The following PDE4B variants were observed in gnomAD, a reference collection of about 807,000 sequenced individuals.
PDE4B encodes the protein 3',5'-cyclic-AMP phosphodiesterase 4B.
A neutral mutation model predicts 82.2 loss-of-function variants in PDE4B; 20 were observed. The observed-to-expected ratio is 0.24, with a 90% confidence interval of 0.17 to 0.35. The LOEUF (loss-of-function observed/expected upper bound fraction) is 0.35, where lower values mean the gene tolerates loss of function less well. PDE4B is among the 10% of genes least tolerant of loss of function. The pLI is 1.00. For synonymous variants in PDE4B, 320 were observed against 318.9 expected (o/e 1.00, Z -0.04); for missense variants, 655 against 907.2 (o/e 0.72, Z 3.57).
chr1:66,183,674 C>T (rs567579164), intron 3 of PDE4B, among the ~76,000 whole-genome samples: 20 of 152,294 alleles, frequency 1.3e-4, no homozygotes, highest in African/African-American at 4.6e-4. Flanking sequence ...ATATTTATCA[C>T]CATGTTTTCC....
intron 7 of PDE4B, among the ~76,000 whole-genome samples, chr1:66,275,180 T>TATATATATGCAAA: frequency 6.6e-6 from 1 of 152,318 alleles, no homozygotes; most frequent in South Asian, 2.1e-4. Context: ...CTTAGTTAAC[T>TATATATATGCAAA]GAAAGCCCTG....
chr1:66,266,965 TC>T, intron 7 of PDE4B: 1 of 210,762 alleles, frequency 4.7e-6, no homozygotes, highest in Non-Finnish European at 1.0e-5. Context: ...CAGCAGCGCT[TC>T]ATACTTAAAA....
chr1:65,853,241 T>G (rs1049787628), intron 1 of PDE4B, among the ~76,000 whole-genome samples: 7 of 152,148 alleles, frequency 4.6e-5, no homozygotes, highest in Non-Finnish European at 1.5e-5. Context: ...TTTTGTCATT[T>G]CCTTATAATG....
chr1:66,039,171 T>C lies in PDE4B; in HGVS notation c.281+120336T>C, dbSNP rs17128289. Among the ~76,000 whole-genome samples the C allele has an allele frequency of 1.7e-4, 26 of 152,168 alleles. No homozygotes were observed. In the East Asian group the frequency reaches 4.5e-3, roughly 26 times the overall value. On this transcript the variant is annotated intron_variant, in intron 3 of 16. Coordinates refer to ENST00000341517, the MANE Select transcript of PDE4B (RefSeq NM_002600.4). The stretch of plus-strand genomic sequence containing the variant: ...TACACAAGGCAGAATTTGGAAAATA[T>C]TGGACACACAATAGATAACAATTAG...
chr1:65,832,949 G>A (rs1646099523), intron 1 of PDE4B, among the ~76,000 whole-genome samples: 1 of 152,164 alleles, frequency 6.6e-6, no homozygotes, highest in South Asian at 2.1e-4. Context: ...TGAGCTCAGG[G>A]AATATAGCCC....
chr1:65,862,093 G>A (rs1646460995), intron 1 of PDE4B, among the ~76,000 whole-genome samples: 1 of 152,114 alleles, frequency 6.6e-6, no homozygotes, highest in South Asian at 2.1e-4. Context: ...ATATTGAATT[G>A]TAGTGGTGAG....
intron 3 of PDE4B, among the ~76,000 whole-genome samples, chr1:66,083,291 A>G (rs1015788182): frequency 1.3e-5 from 2 of 152,070 alleles, no homozygotes; most frequent in East Asian, 1.9e-4. Flanking sequence ...ACCACCCACC[A>G]TCAGTCCCCA....
rs572481209 is a variant in PDE4B, at chr1:65,864,211, G to A, written c.-70-49034G>A. ...TTGTGCTGTGTTTTTCAGCTCCACC[G>A]AGTCATTTATGTTCTTCTCTAAACT... On this transcript the variant is annotated intron_variant, in intron 1 of 16. Coordinates refer to ENST00000341517, the MANE Select transcript of PDE4B (RefSeq NM_002600.4). Among the ~76,000 whole-genome samples the A allele has an allele frequency of 5.3e-5, 8 of 151,722 alleles. No individual in the cohort carries two copies. The South Asian group carries it at 6.3e-4, about 12-fold the overall frequency.
At position 66,284,762 on chromosome 1, in the gene PDE4B, G is replaced by T. The variant is rs569584364; in HGVS notation, c.634+18675G>T. Among the ~76,000 whole-genome samples, 4 of 152,304 alleles carry T rather than the reference G, an allele frequency of 2.6e-5. No individual in the cohort carries two copies. The South Asian group carries it at 8.3e-4, about 32-fold the overall frequency. On this transcript the variant is annotated intron_variant, in intron 7 of 16. Coordinates refer to ENST00000341517, the MANE Select transcript of PDE4B (RefSeq NM_002600.4). ...AGGGGATTAGTGAAGAAAGGATAGG[G>T]TGTAGGGATATGCAGGACATTAGAC...
intron 3 of PDE4B, among the ~76,000 whole-genome samples, chr1:65,943,774 G>C (rs1247503721): frequency 6.6e-6 from 1 of 151,772 alleles, no homozygotes; most frequent in Admixed American, 6.6e-5. Flanking sequence ...TTGTTTTCTT[G>C]ATTTCTTTTG....
intron 3 of PDE4B, among the ~76,000 whole-genome samples, chr1:66,087,243 C>G (rs1657049310): frequency 1.3e-5 from 2 of 152,070 alleles, no homozygotes; most frequent in African/African-American, 4.8e-5. Flanking sequence ...ATTACTCTGG[C>G]AGAAGTATGC....
At chr1:65,844,410 C>T (rs1411382603) in intron 1 of PDE4B, among the ~76,000 whole-genome samples, 1 of 152,090 alleles carries the variant, frequency 6.6e-6, no homozygotes, top group Non-Finnish European at 1.5e-5. Flanking sequence ...CTAACATTAC[C>T]AAAGAAATGT....
chr1:66,123,184 T>C (rs1357832833), intron 3 of PDE4B, among the ~76,000 whole-genome samples: 1 of 152,224 alleles, frequency 6.6e-6, no homozygotes, highest in African/African-American at 2.4e-5. Context: ...GATTCCTTTT[T>C]TTGAAGACAA....
At chr1:66,028,796 A>G (rs577852875) in intron 3 of PDE4B, among the ~76,000 whole-genome samples, 35 of 152,302 alleles carry the variant, frequency 2.3e-4, no homozygotes, top group African/African-American at 8.4e-4. Flanking sequence ...CCAGTTCCCA[A>G]CAAGTTCCTC....
chr1:65,828,151 AG>A (rs1646040161), intron 1 of PDE4B, among the ~76,000 whole-genome samples: 1 of 139,032 alleles, frequency 7.2e-6, no homozygotes, highest in Non-Finnish European at 1.6e-5. Flanking sequence ...TCAAGTCAGA[AG>A]GAATGTCATA....
At chr1:65,959,084 C>G (rs554725319) in intron 3 of PDE4B, among the ~76,000 whole-genome samples, 11 of 152,162 alleles carry the variant, frequency 7.2e-5, no homozygotes, top group Non-Finnish European at 1.5e-4. Flanking sequence ...CACCGCTGTG[C>G]CTTGTGTAGG....
intron 1 of PDE4B, among the ~76,000 whole-genome samples, chr1:65,848,081 A>G (rs1646287061): frequency 6.6e-6 from 1 of 152,134 alleles, no homozygotes; most frequent in African/African-American, 2.4e-5. Flanking sequence ...TTAATTTTTT[A>G]ATGAACTATG....
chr1:66,164,755 C>CTTTTTTTTTTTTTTTTTTT (rs145224852), intron 3 of PDE4B, among the ~76,000 whole-genome samples: 1 of 87,874 alleles, frequency 1.1e-5, no homozygotes, highest in African/African-American at 4.8e-5. Flanking sequence ...CTTTTCTTTT[C>CTTTTTTTTTTTTTTTTTTT]TTTTTTTTTT....
intron 3 of PDE4B, among the ~76,000 whole-genome samples, chr1:66,053,123 T>C (rs1013782923): frequency 2.6e-5 from 4 of 152,226 alleles, no homozygotes; most frequent in African/African-American, 9.6e-5. Context: ...TAAGCAGGTA[T>C]TTAAGTAGTT....
Sources: allele counts gnomAD v4.1 joint callset (sites outside exome capture counted in the v4.1 genomes callset), GRCh38; gene constraint gnomAD v4.1.1; transcripts MANE v1.5; gene names NCBI Gene and HGNC (gene_info 2026-07-23, HGNC 2026-07-21).